The following ATAD3C variants were observed in gnomAD, a reference collection of about 807,000 sequenced individuals.
The protein encoded by ATAD3C is ATPase family AAA domain containing 3C, also known as ATPase family AAA domain-containing protein 3C.
A neutral mutation model predicts 46.3 loss-of-function variants in ATAD3C; 38 were observed. The ratio of observed to expected loss-of-function variants is 0.82; its 90% CI spans 0.63 to 1.08. The LOEUF is 1.08. Among genes scored for constraint, ATAD3C ranks in the 50% least tolerant of loss-of-function variants. The probability of loss-of-function intolerance (pLI) is 0.00; values close to 1 mark genes in which losing one functional copy is unlikely to be tolerated. For missense variants in ATAD3C, 563 were observed against 572.7 expected (o/e 0.98, Z 0.17); for synonymous variants, 220 against 236.4 (o/e 0.93, Z 0.63).
At chr1:1,452,463 A>G (rs2100472697) in intron 3 of ATAD3C, 29 bp downstream of exon 3, 4 of 1,613,332 alleles carry the variant, frequency 2.5e-6, no homozygotes, top group Non-Finnish European at 3.4e-6. Context: ...CAGGGCTGGC[A>G]GGTGGCTGAG....
In ATAD3C at chr1:1,459,902, G is replaced by A. The variant is rs1478185769; in HGVS notation, c.812+671G>A. On this transcript the variant is annotated intron_variant, in intron 9 of 11. Coordinates refer to ENST00000378785, the MANE Select transcript of ATAD3C (RefSeq NM_001039211.3). The surrounding 1 kb of genome is among the most constrained non-coding windows in gnomAD (Gnocchi z 4.9). ...CATGGAGGATCAAGTCCTGCTGGTC[G>A]GCCGTGGCTGACTCCTCAGGCACGT... is the stretch of plus-strand genomic sequence containing the variant. Among the ~76,000 whole-genome samples the A allele has an allele frequency of 6.6e-6, 1 of 151,994 alleles. No homozygotes were observed. The highest frequency in any genetic ancestry group is 1.9e-4 in the East Asian group (1 of 5,160).
At chr1:1,461,836 C>T (rs1337375981) in intron 10 of ATAD3C, among the ~76,000 whole-genome samples, 2 of 152,104 alleles carry the variant, frequency 1.3e-5, no homozygotes, top group Non-Finnish European at 2.9e-5. Context: ...CACACCCGGC[C>T]CTGGAGCCTC....
Position 1,462,222 on chromosome 1 carries a change from G to T in ATAD3C, c.981-378G>T, listed in dbSNP as rs1639080323. On this transcript the variant is annotated intron_variant, in intron 10 of 11. Transcript: ENST00000378785. This position sits in a 1 kb window ranked among gnomAD's most constrained non-coding sequence, Gnocchi z 4.5. ...TTCCCTATGCCCTCCCCTTCCCTGGGCTCCCCGACACCCATGGCTGCTCGT... is the reference window on the plus strand; with the variant it reads ...TTCCCTATGCCCTCCCCTTCCCTGGTCTCCCCGACACCCATGGCTGCTCGT... Among the ~76,000 whole-genome samples the T allele has an allele frequency of 6.6e-6, 1 of 151,992 alleles. No homozygotes were observed. Among genetic ancestry groups the T allele is most frequent in the African/African-American group, 2.4e-5 (1 of 41,402 alleles).
At position 1,449,708 on chromosome 1, in the gene ATAD3C, A is replaced by G. The variant is rs931191854; in HGVS notation, c.-976A>G. On this transcript the variant is annotated 5_prime_UTR_variant, in exon 1 of 12. Coordinates refer to ENST00000378785, the MANE Select transcript of ATAD3C (RefSeq NM_001039211.3). ...AATCCCCTTCATGATTAACTCCCCA[A>G]GGTCCTGCATATTTTCTCAATGGGC... The G allele has an allele frequency of 3.3e-5, 5 of 151,956 alleles. No individual in the cohort carries two copies. The highest frequency in any genetic ancestry group is 9.7e-5 in the African/African-American group (4 of 41,404). The allele number at this position is 151,956 out of a possible 1,614,324, so 9.4% of individuals were successfully genotyped here.
In ATAD3C at chr1:1,454,619, C is replaced by T. The variant is rs963320327; in HGVS notation, c.378+119C>T. 4.3e-5 allele frequency: 63 copies of T among 1,448,462 alleles called. No individual in the cohort carries two copies. In the Admixed American group the frequency reaches 7.4e-4, roughly 17 times the overall value. The allele number at this position is 1,448,462 out of a possible 1,614,324, so 89.7% of individuals were successfully genotyped here. The stretch of plus-strand genomic sequence containing the variant: ...TCCCTTTCCCCGGATAACAGGCACC[C>T]GCACGCTGCTTCACGGGTGGGTTTT... On this transcript the variant is annotated intron_variant, in intron 4 of 11. Transcript: ENST00000378785.
In ATAD3C at chr1:1,455,535, T is replaced by C; in HGVS notation, c.438+16T>C. On this transcript the variant is annotated intron_variant, in intron 5 of 11. Transcript: ENST00000378785. The stretch of plus-strand genomic sequence containing the variant: ...TGTGCTTAGTGTAAGTCGGTGTGCC[T>C]GGGACCGGGGAGGCGCAGGGAGGGG... 1 of 1,612,306 alleles carries C rather than the reference T, an allele frequency of 6.2e-7. No individual in the cohort carries two copies. Among genetic ancestry groups the C allele is most frequent in the Non-Finnish European group, 8.5e-7 (1 of 1,179,460 alleles).
intron 8 of ATAD3C, among the ~76,000 whole-genome samples, chr1:1,458,227 C>A (rs529840864): frequency 6.6e-6 from 1 of 151,636 alleles, no homozygotes; most frequent in South Asian, 2.1e-4. Flanking sequence ...ATAATCTGCC[C>A]GCTGCTGCCT....
Position 1,449,739 on chromosome 1 carries a change from C to T in ATAD3C, c.-945C>T, listed in dbSNP as rs187181049. The T allele has an allele frequency of 1.3e-5, 2 of 152,074 alleles. No homozygotes were observed. The highest frequency in any genetic ancestry group is 2.1e-4 in the South Asian group (1 of 4,788). 9.4% of individuals were successfully genotyped at this position (152,074 alleles called of 1,614,324 possible). ...TGCATATTTTCTCAATGGGCCACCG[C>T]GCCCGGCCAGAAGATTTTTATGGTA... is the stretch of plus-strand genomic sequence containing the variant. On this transcript the variant is annotated 5_prime_UTR_variant, in exon 1 of 12. Transcript: ENST00000378785.
At position 1,468,412 on chromosome 1, in the gene ATAD3C, T is replaced by A. The variant is rs762051215; in HGVS notation, c.1118T>A (p.Val373Asp). 1.2e-6 allele frequency: 2 copies of A among 1,612,474 alleles called. No individual in the cohort carries two copies. The highest frequency in any genetic ancestry group is 2.7e-5 in the African/African-American group (2 of 74,880). ...QATAYASKDG[V>D]LTEAMMDACV... ...ACGGCGTATGCCTCCAAGGACGGGGTCCTGACCGAGGCCATGATGGACGCC... is the reference window on the plus strand; with the variant it reads ...ACGGCGTATGCCTCCAAGGACGGGGACCTGACCGAGGCCATGATGGACGCC... The change falls in exon 12 of 12, where the codon GTC becomes GAC. Residue 373 changes from valine (V) to aspartate (D), a missense_variant. Physicochemically the swap from Val to Asp is radical, Grantham distance 152 (BLOSUM62 -3). Around this residue, in one of 3 missense-constraint regions of ATAD3C, gnomAD observed 273 missense variants for 253.5 expected, o/e 1.08. Transcript: ENST00000378785.
intron 4 of ATAD3C, 108 bp downstream of exon 4, chr1:1,454,608 T>A: frequency 6.8e-7 from 1 of 1,467,122 alleles, no homozygotes; most frequent in Non-Finnish European, 9.0e-7. Flanking sequence ...TTTCCCCGGA[T>A]AACAGGCACC....
intron 4 of ATAD3C, 120 bp downstream of exon 4, chr1:1,454,620 G>T: frequency 4.2e-6 from 6 of 1,441,280 alleles, no homozygotes; most frequent in Non-Finnish European, 5.5e-6. Flanking sequence ...ACAGGCACCC[G>T]CACGCTGCTT....
At chr1:1,454,028 T>C (rs1638907423) in intron 3 of ATAD3C, among the ~76,000 whole-genome samples, 1 of 152,114 alleles carries the variant, frequency 6.6e-6, no homozygotes. Flanking sequence ...GCCAAGAATG[T>C]ACCGAGGGTG....
intron 11 of ATAD3C, among the ~76,000 whole-genome samples, chr1:1,467,782 G>A (rs1382048432): frequency 6.6e-6 from 1 of 152,068 alleles, no homozygotes; most frequent in Non-Finnish European, 1.5e-5. Flanking sequence ...TGCTGGCATT[G>A]GGATGGAGAG....
Position 1,454,400 on chromosome 1 carries a change from C to T in ATAD3C, c.278C>T (p.Ala93Val), listed in dbSNP as rs568600670. 59 of 1,604,256 alleles carry T rather than the reference C, an allele frequency of 3.7e-5. 2 individuals carry two copies. Among genetic ancestry groups the T allele is most frequent in the Non-Finnish European group, 5.0e-5 (59 of 1,177,032 alleles). ...GTCTACTCAGCCAAGAATGCGACAG[C>T]CGTCACTGGCCGCTACATCGAGGCT... ...VGVYSAKNAT[A>V]VTGRYIEARL... is the part of the protein sequence containing the mutation. The change falls in exon 4 of 12, where the codon GCC becomes GTC. Residue 93 changes from alanine to valine, a missense_variant. Physicochemically the swap from Ala to Val is moderately conservative, Grantham distance 64. This residue lies in a region of ATAD3C where 263 missense variants were observed against 243.1 expected (regional missense o/e 1.08). Transcript: ENST00000378785.
At position 1,459,391 on chromosome 1, in the gene ATAD3C, A is replaced by T. The variant is rs78193071; in HGVS notation, c.812+160A>T. On this transcript the variant is annotated intron_variant, in intron 9 of 11. Coordinates refer to ENST00000378785, the MANE Select transcript of ATAD3C (RefSeq NM_001039211.3). The surrounding 1 kb of genome is among the most constrained non-coding windows in gnomAD (Gnocchi z 4.9). ...ATGTCCCCTGGGAACGGCCCAGCTC[A>T]GGACAGCACGGGGTGTCACTGAGGA... Among the ~76,000 whole-genome samples, 1 of 151,700 alleles carries T rather than the reference A, an allele frequency of 6.6e-6. No individual in the cohort carries two copies. Among genetic ancestry groups the T allele is most frequent in the Admixed American group, 6.6e-5 (1 of 15,232 alleles).
At chr1:1,457,465 G>A (rs558074702) in intron 8 of ATAD3C, among the ~76,000 whole-genome samples, 63 of 151,114 alleles carry the variant, frequency 4.2e-4, no homozygotes, top group African/African-American at 1.3e-3. Flanking sequence ...GCGTGGTGGC[G>A]GGCGCCCGTA....
Position 1,452,133 on chromosome 1 carries a change from C to T in ATAD3C, c.152+11C>T. ...CTTGGAGTCCATCAGGTGAGCGCTG[C>T]CGAGGCCCGGGCCGGCCGCAGATGG... On this transcript the variant is annotated intron_variant, in intron 2 of 11. Coordinates refer to ENST00000378785, the MANE Select transcript of ATAD3C (RefSeq NM_001039211.3). The T allele has an allele frequency of 1.9e-6, 3 of 1,612,854 alleles. No individual in the cohort carries two copies. Among genetic ancestry groups the T allele is most frequent in the Non-Finnish European group, 2.5e-6 (3 of 1,179,264 alleles).
In ATAD3C at chr1:1,469,103, A is replaced by G. The variant is rs1330457455; in HGVS notation, c.*573A>G. 1.1e-5 allele frequency: 1 copy of G among 95,058 alleles called. No individual in the cohort carries two copies. Among genetic ancestry groups the G allele is most frequent in the Admixed American group, 1.1e-4 (1 of 9,164 alleles). The allele number at this position is 95,058 out of a possible 1,614,324, so 5.9% of individuals were successfully genotyped here. A position where few individuals can be genotyped will look rare whatever the true frequency, so the allele number is the denominator to read the frequency against. On this transcript the variant is annotated 3_prime_UTR_variant, in exon 12 of 12. Coordinates refer to ENST00000378785, the MANE Select transcript of ATAD3C (RefSeq NM_001039211.3). ...ATGGTGAAACTCCATCTCTCCTAAA[A>G]AAAAAAAAAAAAAAAAAAAAAAAAA...
intron 8 of ATAD3C, among the ~76,000 whole-genome samples, chr1:1,457,413 T>C (rs112662693): frequency 0.033 from 4,936 of 151,324 alleles, 270 homozygotes; most frequent in African/African-American, 0.11. Context: ...GCTAACACGG[T>C]GAAACCCCGT....
Sources: gnomAD v4.1 joint callset for allele counts (sites outside exome capture counted in the v4.1 genomes callset) on GRCh38, gnomAD v4.1.1 for gene constraint, gnomAD v4.1.1 regional missense constraint, Gnocchi (gnomAD v3.1) non-coding constraint, MANE v1.5 for transcripts, NCBI Gene and HGNC (gene_info 2026-07-23, HGNC 2026-07-21) for gene names.